ANKRD30A: variants seen among roughly 807,000 people sequenced by gnomAD.
ANKRD30A encodes the protein ankyrin repeat domain 30A.
In ANKRD30A, 170 loss-of-function variants were observed where a neutral mutation model predicts 166.3. The observed-to-expected ratio is 1.02, with a 90% CI of 0.90 to 1.16. The LOEUF is 1.16. Among genes scored for constraint, ANKRD30A ranks in the 50% most tolerant of loss-of-function variants. The probability of loss-of-function intolerance (pLI) is 0.00; values close to 1 mark genes in which losing one functional copy is unlikely to be tolerated. For synonymous variants in ANKRD30A, 564 were observed against 508.9 expected, an observed-to-expected ratio of 1.11 and a Z score of -1.46; for missense variants, 1,630 against 1,518.0, an observed-to-expected ratio of 1.07 and a Z score of -1.23.
chr10:37,231,273 T>A (rs1288693143), intron 34 of ANKRD30A, among the ~76,000 whole-genome samples, 188 bp from the exon 35 acceptor site: 2 of 152,090 alleles, frequency 1.3e-5, no homozygotes, highest in Non-Finnish European at 2.9e-5. Flanking sequence ...TTGTACTTTT[T>A]AAGAACAATT....
In ANKRD30A at chr10:37,201,236, G is replaced by A; in HGVS notation, c.2780G>A (p.Ser927Asn). ...KVEENSWDSESLRETVSQKDV... is the reference protein window; with the variant it reads ...KVEENSWDSENLRETVSQKDV... ...ATTTATTGATATTACTTTTAACAGAGTCTCCGTGAGACTGTTTCACAGAAG... is the reference window on the plus strand; with the variant it reads ...ATTTATTGATATTACTTTTAACAGAATCTCCGTGAGACTGTTTCACAGAAG... Residue 927 changes from serine (S) to asparagine (N), a missense_variant and splice_region_variant, in exon 31 of 36, where the codon AGT (serine) becomes AAT (asparagine). Physicochemically the swap from Ser to Asn is conservative, Grantham distance 46. Coordinates refer to ENST00000361713, the MANE Select transcript of ANKRD30A (RefSeq NM_052997.3). 2 of 1,554,710 alleles carry A rather than the reference G, an allele frequency of 1.3e-6. No homozygotes were observed. The highest frequency in any genetic ancestry group is 2.4e-5 in the East Asian group (1 of 42,248).
Position 37,142,002 on chromosome 10 carries a change from T to G in ANKRD30A, c.1105T>G (p.Ser369Ala). The part of the protein sequence containing the change: ...REITSPAKET[S>A]EKFTWPAKGR... ...AATTACGAGTCCTGCAAAAGAAACA[T>G]CTGAGAAATTTACGTGGCCAGCAAA... Residue 369 changes from serine to alanine, a missense_variant, in exon 7 of 36, where the codon TCT becomes GCT. Ser to Ala is a moderately conservative substitution (Grantham distance 99). This residue lies in a region of ANKRD30A where 904 missense variants were observed against 818.5 expected (regional missense o/e 1.10). Transcript: ENST00000361713. 6.2e-7 allele frequency: 1 copy of G among 1,613,854 alleles called. No homozygotes were observed. Among genetic ancestry groups the G allele is most frequent in the Non-Finnish European group, 8.5e-7 (1 of 1,179,952 alleles).
At chr10:37,224,115 T>G (rs1843016207) in intron 34 of ANKRD30A, among the ~76,000 whole-genome samples, 1 of 151,344 alleles carries the variant, frequency 6.6e-6, no homozygotes, top group Non-Finnish European at 1.5e-5. Flanking sequence ...AATATCACAC[T>G]TATTCTTTAA....
chr10:37,136,028 G>A (rs1836663291), intron 5 of ANKRD30A, among the ~76,000 whole-genome samples: 1 of 152,148 alleles, frequency 6.6e-6, no homozygotes, highest in South Asian at 2.1e-4. Flanking sequence ...CTGGGCTCAA[G>A]CAATTCTCCT....
In ANKRD30A at chr10:37,134,006, A is replaced by G. The variant is rs190023267; in HGVS notation, c.708A>G (p.Ile236Met). ...ATGTTGACGTCTTTGCTGCAGATAT[A>G]TGTGGAGTAACTGCAGAACATTATG... ...QQNVDVFAAD[I>M]CGVTAEHYAV... Residue 236 changes from isoleucine to methionine, a missense_variant, in exon 5 of 36, where the codon ATA becomes ATG. Physicochemically the swap from Ile to Met is conservative, Grantham distance 10. Coordinates refer to ENST00000361713, the MANE Select transcript of ANKRD30A (RefSeq NM_052997.3). 5.5e-4 allele frequency: 886 copies of G among 1,614,058 alleles called. 4 individuals are homozygous for G. The African/African-American group carries it at 9.5e-3, about 17-fold the overall frequency.
chr10:37,255,144 G>A, the ANKRD30A span, among the ~76,000 whole-genome samples: 1 of 152,066 alleles, frequency 6.6e-6, no homozygotes, highest in Non-Finnish European at 1.5e-5. Context: ...TATCCTAAGA[G>A]TTTTATAGTT....
At chr10:37,248,695 T>C in the ANKRD30A span, among the ~76,000 whole-genome samples, 1 of 150,792 alleles carries the variant, frequency 6.6e-6, no homozygotes, top group Non-Finnish European at 1.5e-5. Context: ...GGATCACGAG[T>C]CACTTTTTTT....
At chr10:37,253,775 G>A in the ANKRD30A span, among the ~76,000 whole-genome samples, 18 of 151,550 alleles carry the variant, frequency 1.2e-4, no homozygotes, top group African/African-American at 3.9e-4. Flanking sequence ...AGCCTCCCAA[G>A]TAGCTGGGAC....
downstream of ANKRD30A, among the ~76,000 whole-genome samples, chr10:37,234,555 T>A (rs1843592323): frequency 6.6e-6 from 1 of 152,088 alleles, no homozygotes; most frequent in African/African-American, 2.4e-5. Flanking sequence ...ATGTTTGAGA[T>A]GGATGTCTAA....
At chr10:37,166,342 T>A (rs1291636589) in intron 18 of ANKRD30A, among the ~76,000 whole-genome samples, 12 of 152,224 alleles carry the variant, frequency 7.9e-5, no homozygotes, top group African/African-American at 2.7e-4. Context: ...CACGAGTGAA[T>A]TTTTTTGTGA....
At chr10:37,231,736 T>C (rs1843420362) in intron 35 of ANKRD30A, 56 bp downstream of exon 35, 1 of 262,600 alleles carries the variant, frequency 3.8e-6, no homozygotes, top group African/African-American at 2.2e-5. Flanking sequence ...CAATTCTTGT[T>C]TTTAAGTAGG....
chr10:37,161,186 A>T (rs1210163614), intron 15 of ANKRD30A, among the ~76,000 whole-genome samples: 2 of 152,236 alleles, frequency 1.3e-5, no homozygotes, highest in East Asian at 3.8e-4. Context: ...TGCTCTGAGT[A>T]GCAAAAGGAG....
the ANKRD30A span, among the ~76,000 whole-genome samples, chr10:37,263,143 A>G: frequency 6.6e-6 from 1 of 151,616 alleles, no homozygotes; most frequent in Non-Finnish European, 1.5e-5. Flanking sequence ...CTAAATCTTT[A>G]TGTTTGTTTC....
chr10:37,133,943 T>C lies in ANKRD30A; in HGVS notation c.645T>C (p.His215=), dbSNP rs1287854470. 2.5e-6 allele frequency: 4 copies of C among 1,613,968 alleles called. No homozygotes were observed. The highest frequency in any genetic ancestry group is 2.2e-5 in the East Asian group (1 of 44,874). ...CAGCCCTCATGCTTGCTGTATGTCA[T>C]GGATCATCAGAGATAGTTGGCATGC... is the stretch of plus-strand genomic sequence containing the variant. The part of the protein sequence containing the change: ...KCTALMLAVC[H]GSSEIVGMLL... The change falls in exon 5 of 36, where the codon CAT becomes CAC. Residue 215 remains histidine (H), a synonymous_variant. Coordinates refer to ENST00000361713, the MANE Select transcript of ANKRD30A (RefSeq NM_052997.3).
intron 6 of ANKRD30A, among the ~76,000 whole-genome samples, chr10:37,137,510 C>A (rs762152691): frequency 6.6e-6 from 1 of 152,148 alleles, no homozygotes; most frequent in Non-Finnish European, 1.5e-5. Context: ...CCTGGAAAAT[C>A]GGGTCACTCC....
the ANKRD30A span, among the ~76,000 whole-genome samples, chr10:37,263,484 C>T: frequency 6.6e-6 from 1 of 151,208 alleles, no homozygotes; most frequent in East Asian, 1.9e-4. Context: ...GCTTGTTTTC[C>T]TGCAACTAGA....
chr10:37,196,367 T>A (rs1841108819), intron 27 of ANKRD30A, among the ~76,000 whole-genome samples: 1 of 152,126 alleles, frequency 6.6e-6, no homozygotes, highest in African/African-American at 2.4e-5. Context: ...ATTTTGTTGA[T>A]GTTAGCTATT....
chr10:37,191,379 T>G (rs1476334952), intron 25 of ANKRD30A, among the ~76,000 whole-genome samples: 1 of 152,008 alleles, frequency 6.6e-6, no homozygotes, highest in Non-Finnish European at 1.5e-5. Context: ...TCAGCTGAAC[T>G]CTCATCCGAA....
In ANKRD30A at chr10:37,129,965, G is replaced by T; in HGVS notation, c.294G>T (p.Gln98His). 1 of 1,579,570 alleles carries T rather than the reference G, an allele frequency of 6.3e-7. No individual in the cohort carries two copies. The highest frequency in any genetic ancestry group is 8.6e-7 in the Non-Finnish European group (1 of 1,160,776). ...CATTTCTGGTAGACAGAAAGTGCCA[G>T]CTTGACGTCCTTGATGGCGAACACA... The part of the protein sequence containing the change: ...VVTFLVDRKC[Q>H]LDVLDGEHRT... Residue 98 changes from glutamine to histidine, a missense_variant, in exon 2 of 36, where the codon CAG becomes CAT. By Grantham distance (24) the Gln-to-His change is conservative. This residue lies in a region of ANKRD30A where 904 missense variants were observed against 818.5 expected (regional missense o/e 1.10). Transcript: ENST00000361713.
Sources: allele counts gnomAD v4.1 joint callset (sites outside exome capture counted in the v4.1 genomes callset), GRCh38; gene constraint gnomAD v4.1.1; regional missense constraint gnomAD v4.1.1; transcripts MANE v1.5; gene names NCBI Gene and HGNC (gene_info 2026-07-23, HGNC 2026-07-21).